Variants in PRKDC observed in about 807,000 individuals in gnomAD.
PRKDC encodes protein kinase, DNA-activated, catalytic subunit, also known as DNA-dependent protein kinase catalytic subunit.
PRKDC carries 82 observed loss-of-function variants against 486.9 expected under a neutral mutation model. That is an observed-to-expected ratio of 0.17 (90% CI 0.14 to 0.20). PRKDC has a LOEUF of 0.20. Among genes scored for constraint, PRKDC ranks in the 10% least tolerant of loss-of-function variants. The pLI, the probability that PRKDC is intolerant of heterozygous loss-of-function variation, is 1.00. For missense variants in PRKDC, 4,504 were observed against 5,038.2 expected (o/e 0.89, Z 3.21); for synonymous variants, 1,895 against 1,837.0 (o/e 1.03, Z -0.81).
At chr8:47,793,805 T>C (rs554572962) in intron 74 of PRKDC, among the ~76,000 whole-genome samples, 2 of 151,450 alleles carry the variant, frequency 1.3e-5, no homozygotes, top group Non-Finnish European at 2.9e-5. Context: ...CAAAACCTCA[T>C]GATGGAGAAT....
Position 47,835,609 on chromosome 8 carries a change from G to A in PRKDC, c.7951+729C>T, listed in dbSNP as rs373457781. 7.0e-3 allele frequency among the ~76,000 whole-genome samples: 769 copies of A among 110,020 alleles called. 6 individuals are homozygous for A. The highest frequency in any genetic ancestry group is 0.028 in the Middle Eastern group (3 of 108). 72.2% of individuals were successfully genotyped at this position (110,020 alleles called of 152,430 possible). On this transcript the variant is annotated intron_variant, in intron 58 of 85. Coordinates refer to ENST00000314191, the MANE Select transcript of PRKDC (RefSeq NM_006904.7). ...CCAGCTCCAGCCTGGTGACAGAGCA[G>A]GACTCTGTCTCAAAAAAAAAAAAAA...
chr8:47,925,885 T>G (rs2154503352), intron 21 of PRKDC, among the ~76,000 whole-genome samples: 1 of 152,346 alleles, frequency 6.6e-6, no homozygotes, highest in South Asian at 2.1e-4. Flanking sequence ...CTGCAATTGT[T>G]CTGGAAGTTT....
intron 10 of PRKDC, among the ~76,000 whole-genome samples, chr8:47,941,945 G>A (rs2090452054): frequency 6.6e-6 from 1 of 152,228 alleles, no homozygotes; most frequent in African/African-American, 2.4e-5. Context: ...TGTCTGCGTG[G>A]CTCATTAAAG....
At chr8:47,941,869 A>G (rs887233902) in intron 10 of PRKDC, among the ~76,000 whole-genome samples, 6 of 152,248 alleles carry the variant, frequency 3.9e-5, no homozygotes, top group East Asian at 3.9e-4. Context: ...AATCTATTCA[A>G]TGTAGTTTTC....
Position 47,819,387 on chromosome 8 carries a change from G to T in PRKDC, c.9445+15C>A. On this transcript the variant is annotated intron_variant, in intron 67 of 85. Coordinates refer to ENST00000314191, the MANE Select transcript of PRKDC (RefSeq NM_006904.7). ...CAATTAGAAATGAAAAAAAAAGACC[G>T]ATGAAAAAAATTACCTTGTTTGCTT... The T allele has an allele frequency of 1.4e-6, 2 of 1,433,344 alleles. No homozygotes were observed. Among genetic ancestry groups the T allele is most frequent in the Non-Finnish European group, 1.9e-6 (2 of 1,058,724 alleles). 88.8% of individuals were successfully genotyped at this position (1,433,344 alleles called of 1,614,324 possible). A position where few individuals can be genotyped will look rare whatever the true frequency, so the allele number is the denominator to read the frequency against.
chr8:47,864,642 A>G lies in PRKDC; in HGVS notation c.5485T>C (p.Trp1829Arg), dbSNP rs751520671. The G allele has an allele frequency of 1.9e-6, 3 of 1,609,412 alleles. No individual in the cohort carries two copies. In the African/African-American group the frequency reaches 4.0e-5, roughly 21 times the overall value. ...CTCAAAGCATCCAGGCTACAGTGCCACAGCAGAGTGAGGAGGGAGCGGTCC... is the reference window on the plus strand; with the variant it reads ...CTCAAAGCATCCAGGCTACAGTGCCGCAGCAGAGTGAGGAGGGAGCGGTCC... The part of the protein sequence containing the change: ...FVDRSLLTLL[W>R]HCSLDALREF... The change falls in exon 41 of 86, where the codon TGG (tryptophan) becomes CGG (arginine). Residue 1829 changes from tryptophan to arginine, a missense_variant. By Grantham distance (101) the Trp-to-Arg change is moderately radical (BLOSUM62 -3). Transcript: ENST00000314191.
chr8:47,908,761 C>G (rs1451472947), intron 25 of PRKDC, among the ~76,000 whole-genome samples: 3 of 152,170 alleles, frequency 2.0e-5, no homozygotes, highest in African/African-American at 7.2e-5. Flanking sequence ...ATATTATAAA[C>G]TGATGTGTTA....
intron 59 of PRKDC, among the ~76,000 whole-genome samples, chr8:47,832,772 G>C (rs2087916637): frequency 6.6e-6 from 1 of 152,194 alleles, no homozygotes; most frequent in Admixed American, 6.5e-5. Flanking sequence ...GAACTGGAAG[G>C]TGAGAGTCAG....
intron 56 of PRKDC, among the ~76,000 whole-genome samples, chr8:47,838,214 T>G (rs1023281744): frequency 5.3e-5 from 8 of 152,198 alleles, no homozygotes; most frequent in Non-Finnish European, 1.2e-4. Flanking sequence ...TCTTATAATT[T>G]ATGAATGCAT....
At chr8:47,864,005 T>C (rs1382908100) in intron 41 of PRKDC, among the ~76,000 whole-genome samples, 3 of 152,190 alleles carry the variant, frequency 2.0e-5, no homozygotes, top group African/African-American at 7.2e-5. Context: ...ATCCAAAAGA[T>C]GCCCTCATCC....
At chr8:47,795,782 C>T (rs540006730) in intron 73 of PRKDC, among the ~76,000 whole-genome samples, 10 of 149,420 alleles carry the variant, frequency 6.7e-5, no homozygotes, top group Non-Finnish European at 6.0e-5. Flanking sequence ...CATGAGCCAC[C>T]GCGCCTGGTC....
At chr8:47,846,953 G>A (rs1247941242) in intron 54 of PRKDC, among the ~76,000 whole-genome samples, 8 of 152,128 alleles carry the variant, frequency 5.3e-5, no homozygotes, top group African/African-American at 1.9e-4. Flanking sequence ...AACCAAGGAG[G>A]TGAAAGATCT....
chr8:47,849,251 T>C lies in PRKDC; in HGVS notation c.7183A>G (p.Thr2395Ala), dbSNP rs994017885. 1 of 1,613,788 alleles carries C rather than the reference T, an allele frequency of 6.2e-7. No homozygotes were observed. The highest frequency in any genetic ancestry group is 1.7e-5 in the Admixed American group (1 of 59,990). ...LLPKFHGVLK[T>A]LCLEVVLCRV... ...CAAAGTACCACCTCCAGACAGAGTG[T>C]TTTCAACACTCCATGAAATTTTGGC... Residue 2395 changes from threonine (T) to alanine (A), a missense_variant, in exon 54 of 86, where the codon ACA becomes GCA. Thr to Ala is a moderately conservative substitution (Grantham distance 58). This residue lies in a region of PRKDC where 1,592 missense variants were observed against 1,724.6 expected (regional missense o/e 0.92). Transcript: ENST00000314191.
intron 36 of PRKDC, among the ~76,000 whole-genome samples, chr8:47,884,891 G>A (rs929813215): frequency 6.6e-6 from 1 of 152,208 alleles, no homozygotes; most frequent in East Asian, 1.9e-4. Context: ...GAACATGCCA[G>A]AAATGATAAC....
In PRKDC at chr8:47,918,312, A is replaced by C. The variant is rs762313378; in HGVS notation, c.2491T>G (p.Leu831Val). Residue 831 changes from leucine (L) to valine (V), a missense_variant, in exon 22 of 86, where the codon TTA becomes GTA. By Grantham distance (32) the Leu-to-Val change is conservative. Around this residue, in one of 6 missense-constraint regions of PRKDC, gnomAD observed 1,969 missense variants for 2,068.9 expected, o/e 0.95. Coordinates refer to ENST00000314191, the MANE Select transcript of PRKDC (RefSeq NM_006904.7). ...TTCTTTGTCTTCTTCAGATGCTTTAACACCACTTTATTAAATCCTTTCTGG... is the reference window on the plus strand; with the variant it reads ...TTCTTTGTCTTCTTCAGATGCTTTACCACCACTTTATTAAATCCTTTCTGG... ...AAQKGFNKVV[L>V]KHLKKTKNLS... The C allele has an allele frequency of 1.9e-6, 3 of 1,593,362 alleles. No homozygotes were observed. Among genetic ancestry groups the C allele is most frequent in the Non-Finnish European group, 2.6e-6 (3 of 1,168,466 alleles).
intron 77 of PRKDC, among the ~76,000 whole-genome samples, chr8:47,784,372 A>G (rs1372722663): frequency 1.3e-5 from 2 of 152,344 alleles, no homozygotes; most frequent in Middle Eastern, 3.4e-3. Context: ...AGAACACTGC[A>G]TATTCTCAAG....
chr8:47,807,290 G>C lies in PRKDC; in HGVS notation c.9594C>G (p.Thr3198=). 1 of 1,599,238 alleles carries C rather than the reference G, an allele frequency of 6.3e-7. No individual in the cohort carries two copies. The highest frequency in any genetic ancestry group is 2.3e-5 in the East Asian group (1 of 44,384). The change falls in exon 69 of 86, where the codon ACC becomes ACG. Residue 3198 remains threonine (T), a synonymous_variant. Transcript: ENST00000314191. ...TCATACTATTATCTTCTGGAAGAGG[G>C]GTAAGCTTCTCCTCTATTTTGCTGA... ...FFLSKIEEKL[T]PLPEDNSMNV... is the part of the protein sequence containing the mutation.
chr8:47,803,414 A>G lies in PRKDC; in HGVS notation c.9814T>C (p.Trp3272Arg). 6.2e-7 allele frequency: 1 copy of G among 1,614,016 alleles called. No homozygotes were observed. The highest frequency in any genetic ancestry group is 8.5e-7 in the Non-Finnish European group (1 of 1,179,890). ...LHKESKTRDDWLVSWVQSYCR... is the reference protein window; with the variant it reads ...LHKESKTRDDRLVSWVQSYCR... ...TAGCTCTGCACCCAGCTCACCAGCC[A>G]ATCGTCTCTGGTTTTTGACTCTTTA... Residue 3272 changes from tryptophan (W) to arginine (R), a missense_variant, in exon 70 of 86, where the codon TGG (tryptophan) becomes CGG (arginine). This residue lies in a region of PRKDC where 1,592 missense variants were observed against 1,724.6 expected (regional missense o/e 0.92). Transcript: ENST00000314191.
In PRKDC at chr8:47,836,511, G is replaced by C. The variant is rs1432069891; in HGVS notation, c.7778C>G (p.Ser2593Cys). 3.1e-6 allele frequency: 5 copies of C among 1,600,582 alleles called. No individual in the cohort carries two copies. Among genetic ancestry groups the C allele is most frequent in the Non-Finnish European group, 4.3e-6 (5 of 1,173,172 alleles). Residue 2593 changes from serine (S) to cysteine (C), a missense_variant, in exon 58 of 86, where the codon TCT becomes TGT. Coordinates refer to ENST00000314191, the MANE Select transcript of PRKDC (RefSeq NM_006904.7). ...ECEFQEYTID[S>C]DWRFRSTVLT... ...AACAGTACTTCGGAAACGCCAATCA[G>C]AATCAATGGTATATTCCTGTACATA...
Sources: gnomAD v4.1 joint callset for allele counts (sites outside exome capture counted in the v4.1 genomes callset) on GRCh38, gnomAD v4.1.1 for gene constraint, gnomAD v4.1.1 regional missense constraint, MANE v1.5 for transcripts, NCBI Gene and HGNC (gene_info 2026-07-23, HGNC 2026-07-21) for gene names.